Variants in CSMD3 observed in about 807,000 individuals in gnomAD.
The protein encoded by CSMD3 is CUB and sushi domain-containing protein 3.
In CSMD3, 177 loss-of-function variants were observed where a neutral mutation model predicts 435.2. That is an observed-to-expected ratio of 0.41 (90% CI 0.36 to 0.46). The LOEUF (loss-of-function observed/expected upper bound fraction) is 0.46, where lower values mean the gene tolerates loss of function less well. Among genes scored for constraint, CSMD3 ranks in the 20% least tolerant of loss-of-function variants. The pLI, the probability that CSMD3 is intolerant of heterozygous loss-of-function variation, is 0.34. For missense variants in CSMD3, 4,265 were observed against 4,504.6 expected (o/e 0.95, Z 1.52); for synonymous variants, 1,656 against 1,520.5 (o/e 1.09, Z -2.07).
intron 25 of CSMD3, 87 bp from the exon 26 acceptor site, chr8:112,552,807 A>G: frequency 2.5e-6 from 3 of 1,192,298 alleles, no homozygotes; most frequent in Non-Finnish European, 3.7e-6. Context: ...TAGACAAAAG[A>G]ATACTGATTT....
intron 65 of CSMD3, among the ~76,000 whole-genome samples, chr8:112,242,816 A>G (rs1814292687): frequency 6.6e-6 from 1 of 152,132 alleles, no homozygotes; most frequent in Non-Finnish European, 1.5e-5. Context: ...AAATAAGATA[A>G]ATAAGCCAGA....
At chr8:113,376,543 T>C (rs2094384167) in intron 1 of CSMD3, 3 of 593,622 alleles carry the variant, frequency 5.1e-6, no homozygotes, top group Non-Finnish European at 8.8e-6. Context: ...TTCTGTATTA[T>C]TTATGCGTTT....
intron 4 of CSMD3, among the ~76,000 whole-genome samples, chr8:113,144,960 T>C (rs1050646487): frequency 6.6e-6 from 1 of 151,660 alleles, no homozygotes; most frequent in Non-Finnish European, 1.5e-5. Flanking sequence ...TACTGGGCTT[T>C]ATTTTATAGA....
At chr8:113,173,700 T>G in intron 4 of CSMD3, 22 bp downstream of exon 4, 1 of 1,566,752 alleles carries the variant, frequency 6.4e-7, no homozygotes, top group East Asian at 2.2e-5. Context: ...CAACTCTCAT[T>G]TTTAAAGTGT....
chr8:112,596,198 A>G (rs1173241621), intron 22 of CSMD3, among the ~76,000 whole-genome samples: 1 of 150,074 alleles, frequency 6.7e-6, no homozygotes, highest in Non-Finnish European at 1.5e-5. Context: ...AAAACAAAAA[A>G]AGGCAGGGGT....
intron 10 of CSMD3, among the ~76,000 whole-genome samples, chr8:112,885,385 T>C (rs999799687): frequency 6.6e-6 from 1 of 151,342 alleles, no homozygotes; most frequent in Non-Finnish European, 1.5e-5. Flanking sequence ...TATATACATA[T>C]ATATATTTAC....
intron 1 of CSMD3, among the ~76,000 whole-genome samples, chr8:113,322,011 C>A (rs1036519566): frequency 6.6e-6 from 1 of 151,984 alleles, no homozygotes; most frequent in African/African-American, 2.4e-5. Flanking sequence ...AATATAAACA[C>A]AACAAATATA....
At chr8:112,480,771 C>T (rs985234918) in intron 31 of CSMD3, among the ~76,000 whole-genome samples, 4 of 152,122 alleles carry the variant, frequency 2.6e-5, no homozygotes, top group African/African-American at 7.2e-5. Context: ...GCCAATTAAA[C>T]CTCTTTTCTT....
chr8:112,442,015 G>T (rs575682159), intron 32 of CSMD3, among the ~76,000 whole-genome samples: 1 of 152,262 alleles, frequency 6.6e-6, no homozygotes, highest in East Asian at 1.9e-4. Flanking sequence ...CTGAGACTGG[G>T]TAATTTATAA....
chr8:112,666,172 A>G (rs2075519730), intron 17 of CSMD3, 105 bp downstream of exon 17: 1 of 901,088 alleles, frequency 1.1e-6, no homozygotes, highest in Admixed American at 2.0e-5. Context: ...ACAGCAATTG[A>G]CTATTACAAT....
At chr8:113,077,126 G>A (rs142688364) in intron 5 of CSMD3, among the ~76,000 whole-genome samples, 14 of 152,044 alleles carry the variant, frequency 9.2e-5, no homozygotes, top group African/African-American at 3.1e-4. Context: ...ACATACACAC[G>A]AGTGCATATA....
chr8:113,153,702 G>C (rs1163684741), intron 4 of CSMD3, among the ~76,000 whole-genome samples: 1 of 152,032 alleles, frequency 6.6e-6, no homozygotes. Flanking sequence ...AGTAGTGGGG[G>C]TGCAACAGAA....
At chr8:113,274,054 T>C (rs2093550937) in intron 3 of CSMD3, among the ~76,000 whole-genome samples, 1 of 152,024 alleles carries the variant, frequency 6.6e-6, no homozygotes, top group Non-Finnish European at 1.5e-5. Context: ...TAAATATTTT[T>C]GTAATTTGAC....
chr8:112,449,134 G>A (rs1205341030), intron 32 of CSMD3, among the ~76,000 whole-genome samples: 1 of 152,042 alleles, frequency 6.6e-6, no homozygotes, highest in African/African-American at 2.4e-5. Context: ...ATCCAAGCCA[G>A]CAGTAACCTG....
chr8:112,332,015 A>G (rs532499499), intron 45 of CSMD3, among the ~76,000 whole-genome samples: 1 of 152,258 alleles, frequency 6.6e-6, no homozygotes, highest in Admixed American at 6.5e-5. Flanking sequence ...TAATTCTAAA[A>G]TGATCTTTGT....
chr8:112,389,145 G>A (rs1830203300), intron 36 of CSMD3, among the ~76,000 whole-genome samples: 1 of 152,148 alleles, frequency 6.6e-6, no homozygotes, highest in South Asian at 2.1e-4. Context: ...CTCTATTAGA[G>A]TATTAGTTGC....
intron 3 of CSMD3, among the ~76,000 whole-genome samples, chr8:113,234,189 A>C (rs1297000438): frequency 6.6e-6 from 1 of 151,998 alleles, no homozygotes; most frequent in Non-Finnish European, 1.5e-5. Flanking sequence ...AATATTATCC[A>C]CCCCTCATTT....
chr8:112,380,429 C>G lies in CSMD3; in HGVS notation c.6059G>C (p.Ser2020Thr), dbSNP rs540269212. The G allele has an allele frequency of 4.5e-5, 71 of 1,594,530 alleles. No homozygotes were observed. In the Admixed American group the frequency reaches 6.5e-4, roughly 15 times the overall value. Residue 2020 changes from serine to threonine, a missense_variant, in exon 38 of 71, where the codon AGT becomes ACT. Coordinates refer to ENST00000297405, the MANE Select transcript of CSMD3 (RefSeq NM_198123.2). ...ATTTAGATACAGATTATTAGACGTA[C>G]TATTCAAAAGATGGGGTATTGTTGT... Reference protein sequence around the residue: ...SGTTIPHLLNSTSNNLYLNFQ... With the variant: ...SGTTIPHLLNTTSNNLYLNFQ...
At chr8:112,277,784 AAG>A (rs1437079633) in intron 59 of CSMD3, among the ~76,000 whole-genome samples, 1 of 152,186 alleles carries the variant, frequency 6.6e-6, no homozygotes, top group African/African-American at 2.4e-5. Context: ...GGTGACAGTC[AAG>A]AGAGAATGAG....
Sources: allele counts gnomAD v4.1 joint callset (sites outside exome capture counted in the v4.1 genomes callset), GRCh38; gene constraint gnomAD v4.1.1; transcripts MANE v1.5; gene names NCBI Gene and HGNC (gene_info 2026-07-23, HGNC 2026-07-21).